The following MLLT3 variants were observed in gnomAD, a reference collection of about 807,000 sequenced individuals.
MLLT3 encodes MLLT3 super elongation complex subunit, also known as protein AF-9.
In MLLT3, 4 loss-of-function variants were observed where a neutral mutation model predicts 53.2. The ratio of observed to expected loss-of-function variants is 0.08; its 90% CI spans 0.04 to 0.17. The LOEUF (loss-of-function observed/expected upper bound fraction) is 0.17, where lower values mean the gene tolerates loss of function less well. Among genes scored for constraint, MLLT3 ranks in the 10% least tolerant of loss-of-function variants. MLLT3 has a pLI of 1.00. For missense variants in MLLT3, 569 were observed against 684.0 expected, an observed-to-expected ratio of 0.83 and a Z score of 1.87; for synonymous variants, 283 against 230.6, an observed-to-expected ratio of 1.23 and a Z score of -2.06.
chr9:20,465,930 A>G (rs10964566), intron 2 of MLLT3, among the ~76,000 whole-genome samples: 13,909 of 152,106 alleles, frequency 0.091, 864 homozygotes, highest in East Asian at 0.29. Flanking sequence ...ACAATCTTTC[A>G]ATCTTCTTCA....
chr9:20,516,601 T>C (rs1817926690), intron 2 of MLLT3, among the ~76,000 whole-genome samples: 1 of 152,248 alleles, frequency 6.6e-6, no homozygotes, highest in African/African-American at 2.4e-5. Context: ...TTCTTTTTTA[T>C]ATCAAAGCTT....
chr9:20,474,152 C>A (rs1165282648), intron 2 of MLLT3, among the ~76,000 whole-genome samples: 2 of 152,028 alleles, frequency 1.3e-5, no homozygotes, highest in African/African-American at 2.4e-5. Flanking sequence ...TTTCTGAAGC[C>A]CTCGACACCA....
chr9:20,489,821 G>T (rs1363152465), intron 2 of MLLT3, among the ~76,000 whole-genome samples: 1 of 152,154 alleles, frequency 6.6e-6, no homozygotes, highest in East Asian at 1.9e-4. Context: ...TAGGGGAAAA[G>T]TTAAAGGGAA....
intron 6 of MLLT3, among the ~76,000 whole-genome samples, chr9:20,364,462 T>A (rs1821400234): frequency 6.6e-6 from 1 of 152,158 alleles, no homozygotes; most frequent in Non-Finnish European, 1.5e-5. Flanking sequence ...ACAGAAGAGG[T>A]TATAAAGACA....
At chr9:20,437,115 G>C (rs942218199) in intron 4 of MLLT3, among the ~76,000 whole-genome samples, 20 of 151,904 alleles carry the variant, frequency 1.3e-4, no homozygotes, top group Non-Finnish European at 1.0e-4. Flanking sequence ...TGTATCCATT[G>C]CATTAAAAAA....
At chr9:20,463,813 C>T (rs1020378429) in intron 2 of MLLT3, among the ~76,000 whole-genome samples, 3 of 151,984 alleles carry the variant, frequency 2.0e-5, no homozygotes, top group Non-Finnish European at 4.4e-5. Context: ...AAAGTTAAAC[C>T]TTGGGCAAAA....
At chr9:20,573,361 C>T (rs1819580419) in intron 2 of MLLT3, among the ~76,000 whole-genome samples, 1 of 151,836 alleles carries the variant, frequency 6.6e-6, no homozygotes, top group Non-Finnish European at 1.5e-5. Flanking sequence ...CTGTATTTTT[C>T]ATAAAGATGG....
At chr9:20,363,371 A>G in intron 7 of MLLT3, 105 bp downstream of exon 7, 2 of 1,338,138 alleles carry the variant, frequency 1.5e-6, no homozygotes, top group Non-Finnish European at 2.1e-6. Flanking sequence ...GTGACCATCT[A>G]CTGCCGTTTT....
At chr9:20,553,833 T>C (rs1818988990) in intron 2 of MLLT3, among the ~76,000 whole-genome samples, 1 of 152,096 alleles carries the variant, frequency 6.6e-6, no homozygotes, top group Admixed American at 6.5e-5. Flanking sequence ...AAACAGCTTT[T>C]TTTTTTTTAA....
rs546838292 is a variant in MLLT3, at chr9:20,453,676, T to C, written c.276+3028A>G. 3.9e-5 allele frequency among the ~76,000 whole-genome samples: 6 copies of C among 152,330 alleles called. No homozygotes were observed. The South Asian group carries it at 8.3e-4, about 21-fold the overall frequency. On this transcript the variant is annotated intron_variant, in intron 3 of 10. Transcript: ENST00000380338. ...AACATATGCTCTTATACTAAATACA[T>C]ACCTCTCCAGAACACCATTACTCAT...
At chr9:20,517,771 A>T (rs1817953081) in intron 2 of MLLT3, among the ~76,000 whole-genome samples, 1 of 152,022 alleles carries the variant, frequency 6.6e-6, no homozygotes, top group Non-Finnish European at 1.5e-5. Context: ...TGGAAGACGG[A>T]GGTTGCAGTG....
At chr9:20,446,727 T>C (rs1269509552) in intron 4 of MLLT3, among the ~76,000 whole-genome samples, 1 of 152,196 alleles carries the variant, frequency 6.6e-6, no homozygotes, top group African/African-American at 2.4e-5. Flanking sequence ...GTAAATGGCA[T>C]CAAAACTATA....
intron 2 of MLLT3, among the ~76,000 whole-genome samples, chr9:20,560,868 GA>G (rs1317631633): frequency 6.6e-6 from 1 of 152,014 alleles, no homozygotes; most frequent in East Asian, 1.9e-4. Flanking sequence ...TCAAGTCAGG[GA>G]ATTTGGGGTG....
intron 2 of MLLT3, among the ~76,000 whole-genome samples, chr9:20,585,748 C>T (rs1413370470): frequency 6.6e-6 from 1 of 152,188 alleles, no homozygotes; most frequent in African/African-American, 2.4e-5. Flanking sequence ...TGTTCTATTT[C>T]CCAGTGTGGT....
intron 5 of MLLT3, among the ~76,000 whole-genome samples, chr9:20,406,351 A>G (rs1232396947): frequency 6.6e-6 from 1 of 152,178 alleles, no homozygotes; most frequent in Non-Finnish European, 1.5e-5. Context: ...TACTATCTGG[A>G]CCACCTCATG....
intron 2 of MLLT3, among the ~76,000 whole-genome samples, chr9:20,531,179 A>C (rs1471049604): frequency 7.2e-6 from 1 of 139,406 alleles, no homozygotes; most frequent in Non-Finnish European, 1.5e-5. Context: ...CTTGTCACCC[A>C]GGCTGGAGTG....
At chr9:20,457,185 A>T (rs1156552866) in intron 2 of MLLT3, among the ~76,000 whole-genome samples, 1 of 151,780 alleles carries the variant, frequency 6.6e-6, no homozygotes, top group East Asian at 1.9e-4. Flanking sequence ...CTTTGATGCA[A>T]ATCACTCCCC....
At chr9:20,363,153 T>C (rs530091434) in intron 7 of MLLT3, 4 of 214,202 alleles carry the variant, frequency 1.9e-5, no homozygotes, top group Non-Finnish European at 3.7e-5. Context: ...TCTCCAGCAG[T>C]GGATCAACAC....
chr9:20,575,242 T>A (rs1024774848), intron 2 of MLLT3, among the ~76,000 whole-genome samples: 2 of 152,222 alleles, frequency 1.3e-5, no homozygotes, highest in Admixed American at 6.5e-5. Context: ...ACAAATGTTC[T>A]TAATAGTATC....
Sources: allele counts gnomAD v4.1 joint callset (sites outside exome capture counted in the v4.1 genomes callset), GRCh38; gene constraint gnomAD v4.1.1; transcripts MANE v1.5; gene names NCBI Gene and HGNC (gene_info 2026-07-23, HGNC 2026-07-21).